LRCH1: variants seen among roughly 807,000 people sequenced by gnomAD.
LRCH1 encodes leucine-rich repeat and calponin homology domain-containing protein 1.
A neutral mutation model predicts 94.9 loss-of-function variants in LRCH1; 23 were observed. The observed-to-expected ratio is 0.24, with a 90% CI of 0.17 to 0.34. LRCH1 has a LOEUF of 0.34. LRCH1 is among the 10% of genes least tolerant of loss of function. The pLI, the probability that LRCH1 is intolerant of heterozygous loss-of-function variation, is 1.00. For synonymous variants in LRCH1, 364 were observed against 354.9 expected, an observed-to-expected ratio of 1.03 and a Z score of -0.29; for missense variants, 790 against 945.9, an observed-to-expected ratio of 0.84 and a Z score of 2.16.
intron 1 of LRCH1, among the ~76,000 whole-genome samples, chr13:46,563,624 A>G (rs934668202): frequency 3.9e-5 from 6 of 152,258 alleles, no homozygotes; most frequent in East Asian, 1.9e-4. Context: ...ATGCAAATAT[A>G]TGTATTAAAT....
intron 7 of LRCH1, 128 bp from the exon 8 acceptor site, chr13:46,692,408 G>C: frequency 1.6e-6 from 1 of 618,818 alleles, no homozygotes; most frequent in Non-Finnish European, 2.7e-6. Context: ...ATTGACCTTT[G>C]TATCTGGCAA....
Position 46,553,447 on chromosome 13 carries a change from A to C in LRCH1, c.51A>C (p.Val17=). ...AACCTTTCGTCCCGGCCCTTTCGGTAGCTACTCTGCACCCACTTCATCATC... is the reference window on the plus strand; with the variant it reads ...AACCTTTCGTCCCGGCCCTTTCGGTCGCTACTCTGCACCCACTTCATCATC... The part of the protein sequence containing the change: ...EPQPFVPALS[V]ATLHPLHHPH... Residue 17 remains valine, a synonymous_variant, in exon 1 of 20, where the codon GTA becomes GTC. Coordinates refer to ENST00000389797, the MANE Select transcript of LRCH1 (RefSeq NM_001164211.2). 1 of 1,548,600 alleles carries C rather than the reference A, an allele frequency of 6.5e-7. No homozygotes were observed.
chr13:46,634,613 C>G (rs1231050381), intron 1 of LRCH1, among the ~76,000 whole-genome samples: 1 of 152,370 alleles, frequency 6.6e-6, no homozygotes, highest in East Asian at 1.9e-4. Flanking sequence ...CTCTTTGAAG[C>G]CTTTCTCAAC....
intron 1 of LRCH1, among the ~76,000 whole-genome samples, chr13:46,566,812 C>T (rs1322251820): frequency 6.6e-6 from 1 of 152,168 alleles, no homozygotes; most frequent in African/African-American, 2.4e-5. Flanking sequence ...ACCCGGATTC[C>T]TGACTAATGT....
chr13:46,693,300 A>G (rs80191290), intron 8 of LRCH1, among the ~76,000 whole-genome samples: 2,795 of 152,324 alleles, frequency 0.018, 38 homozygotes, highest in Non-Finnish European at 0.03. Flanking sequence ...CCCTCTGAGT[A>G]TTGATTTAAG....
At chr13:46,751,328 G>A (rs573570012) in exon 19 of LRCH1, 27 of 152,098 alleles carry the variant, frequency 1.8e-4, no homozygotes, top group East Asian at 3.9e-4. Context: ...AAAAAAAAGC[G>A]AAAAACAGGT....
Position 46,687,914 on chromosome 13 carries a change from G to A in LRCH1, c.885G>A (p.Lys295=). 6.2e-7 allele frequency: 1 copy of A among 1,613,510 alleles called. No homozygotes were observed. Among genetic ancestry groups the A allele is most frequent in the East Asian group, 2.2e-5 (1 of 44,878 alleles). The change falls in exon 6 of 20, where the codon AAG becomes AAA. Residue 295 remains lysine, a synonymous_variant. Coordinates refer to ENST00000389797, the MANE Select transcript of LRCH1 (RefSeq NM_001164211.2). ...KYLSIQACQI[K]TADSLYLHTM... ...TGAGCATACAAGCATGCCAGATTAA[G>A]ACAGCTGACTCCCTTTATCTCCACA... is the stretch of plus-strand genomic sequence containing the variant.
In LRCH1 at chr13:46,652,672, C is replaced by A. The variant is rs142261585; in HGVS notation, c.452+2327C>A. The stretch of plus-strand genomic sequence containing the variant: ...CTCCTAAGACATCTGTACTCTAATT[C>A]CAACATATACAGGGGAAAGCATGTG... On this transcript the variant is annotated intron_variant, in intron 2 of 19. Coordinates refer to ENST00000389797, the MANE Select transcript of LRCH1 (RefSeq NM_001164211.2). Among the ~76,000 whole-genome samples the A allele has an allele frequency of 3.1e-3, 466 of 152,224 alleles. 8 individuals are homozygous for A. The highest frequency in any genetic ancestry group is 0.011 in the African/African-American group (444 of 41,556).
chr13:46,732,595 C>T (rs977826029), intron 18 of LRCH1, among the ~76,000 whole-genome samples: 1 of 152,098 alleles, frequency 6.6e-6, no homozygotes, highest in Non-Finnish European at 1.5e-5. Context: ...AAGAGACTCA[C>T]CTAAGGACAT....
chr13:46,711,870 G>T (rs750687812), intron 14 of LRCH1, 26 bp downstream of exon 14: 3 of 1,579,998 alleles, frequency 1.9e-6, no homozygotes, highest in Admixed American at 3.4e-5. Flanking sequence ...ATTAATGGAA[G>T]GTGAGGTGTT....
At chr13:46,623,691 CTG>C (rs1414541243) in intron 1 of LRCH1, among the ~76,000 whole-genome samples, 1 of 59,544 alleles carries the variant, frequency 1.7e-5, no homozygotes, top group Non-Finnish European at 3.2e-5. Flanking sequence ...TACCCTGTCT[CTG>C]TTTTTTTTTT....
intron 18 of LRCH1, 40 bp from the exon 19 acceptor site, chr13:46,733,881 T>C (rs1422595638): frequency 2.3e-6 from 3 of 1,276,974 alleles, no homozygotes; most frequent in Non-Finnish European, 1.1e-6. Context: ...ATGGTTTCTC[T>C]TTTAAATAAT....
At chr13:46,558,346 G>A (rs1394398755) in intron 1 of LRCH1, among the ~76,000 whole-genome samples, 1 of 151,960 alleles carries the variant, frequency 6.6e-6, no homozygotes, top group Non-Finnish European at 1.5e-5. Context: ...AGCAGAGGTA[G>A]GATTTGGATC....
chr13:46,682,144 T>G (rs559771466), intron 4 of LRCH1, among the ~76,000 whole-genome samples: 28 of 152,164 alleles, frequency 1.8e-4, no homozygotes, highest in Non-Finnish European at 3.4e-4. Context: ...GAACCACAGA[T>G]GGGGTGCTTA....
intron 2 of LRCH1, among the ~76,000 whole-genome samples, chr13:46,664,072 G>A (rs1485895339): frequency 6.6e-6 from 1 of 152,120 alleles, no homozygotes; most frequent in Non-Finnish European, 1.5e-5. Flanking sequence ...TTGGAATTAG[G>A]TACATGGTTT....
At chr13:46,574,911 A>C (rs942542112) in intron 1 of LRCH1, among the ~76,000 whole-genome samples, 3 of 151,168 alleles carry the variant, frequency 2.0e-5, no homozygotes, top group African/African-American at 4.9e-5. Context: ...GCAAAATCCA[A>C]ACAAAGTCCT....
intron 1 of LRCH1, among the ~76,000 whole-genome samples, chr13:46,558,572 CAAAAA>C (rs575874794): frequency 0.2 from 6,858 of 33,906 alleles, 169 homozygotes; most frequent in Middle Eastern, 0.28. Flanking sequence ...CCTGTGTCTA[CAAAAA>C]AAAAAAAAAA....
chr13:46,669,045 C>T lies in LRCH1; in HGVS notation c.468C>T (p.Ser156=), dbSNP rs769283362. 2.1e-5 allele frequency: 34 copies of T among 1,613,416 alleles called. No homozygotes were observed. The highest frequency in any genetic ancestry group is 3.3e-4 in the Middle Eastern group (2 of 6,078). ...GTCTTTGCAGTCGAAATCAGCTGTC[C>T]GCCCTGCCTGCCTGCCTGTGTGGTC... is the stretch of plus-strand genomic sequence containing the variant. The part of the protein sequence containing the change: ...TYLNLSRNQL[S]ALPACLCGLP... Residue 156 remains serine (S), a synonymous_variant, in exon 3 of 20, where the codon TCC becomes TCT. Coordinates refer to ENST00000389797, the MANE Select transcript of LRCH1 (RefSeq NM_001164211.2).
intron 2 of LRCH1, among the ~76,000 whole-genome samples, chr13:46,667,616 T>C (rs1224921559): frequency 1.3e-5 from 2 of 151,862 alleles, no homozygotes; most frequent in Non-Finnish European, 2.9e-5. Flanking sequence ...ACATGGCGCA[T>C]GTATACATAT....
Sources: allele counts gnomAD v4.1 joint callset (sites outside exome capture counted in the v4.1 genomes callset), GRCh38; gene constraint gnomAD v4.1.1; transcripts MANE v1.5; gene names NCBI Gene and HGNC (gene_info 2026-07-23, HGNC 2026-07-21).